The following CNTN4 variants were observed in gnomAD, a reference collection of about 807,000 sequenced individuals.
CNTN4 encodes contactin-4.
CNTN4 carries 77 observed loss-of-function variants against 122.5 expected under a neutral mutation model. The ratio of observed to expected loss-of-function variants is 0.63; its 90% confidence interval spans 0.52 to 0.76. The LOEUF is 0.76. Ranked by LOEUF, CNTN4 falls within the 30% of genes least tolerant of loss-of-function variation. CNTN4 has a pLI of 0.00. For missense variants in CNTN4, 1,256 were observed against 1,259.1 expected (o/e 1.00, Z 0.04); for synonymous variants, 512 against 447.0 (o/e 1.15, Z -1.83).
At chr3:2,305,366 C>A (rs1685459) in intron 2 of CNTN4, among the ~76,000 whole-genome samples, 45,478 of 151,976 alleles carry the variant, frequency 0.3, 7,976 homozygotes, top group African/African-American at 0.48. Context: ...TTGTTTCAGG[C>A]AAGTCTCTGA....
At chr3:2,318,660 G>A (rs907677916) in intron 2 of CNTN4, among the ~76,000 whole-genome samples, 4 of 152,028 alleles carry the variant, frequency 2.6e-5, no homozygotes, top group African/African-American at 9.7e-5. Flanking sequence ...GTTGTGTTGT[G>A]TGTTTTCAGA....
chr3:2,340,558 G>A (rs139507918), intron 3 of CNTN4, among the ~76,000 whole-genome samples: 8 of 151,280 alleles, frequency 5.3e-5, no homozygotes, highest in Admixed American at 3.3e-4. Context: ...GTGCATGCCT[G>A]TAGTCCCACT....
chr3:2,177,698 C>A (rs975582032), intron 2 of CNTN4, among the ~76,000 whole-genome samples: 1 of 137,458 alleles, frequency 7.3e-6, no homozygotes, highest in Non-Finnish European at 1.6e-5. Context: ...GTGTGTATCT[C>A]CAGGAAACTT....
chr3:2,619,951 T>C (rs2081930526), intron 4 of CNTN4, among the ~76,000 whole-genome samples: 1 of 152,212 alleles, frequency 6.6e-6, no homozygotes, highest in Non-Finnish European at 1.5e-5. Flanking sequence ...CTATGCTTTG[T>C]TTCTGTACCT....
chr3:2,103,700 T>C (rs2032187049), intron 2 of CNTN4, among the ~76,000 whole-genome samples: 1 of 148,988 alleles, frequency 6.7e-6, no homozygotes, highest in Admixed American at 6.7e-5. Flanking sequence ...TCCTATGAGC[T>C]TTGCAAAATT....
chr3:2,272,427 C>G (rs954659992), intron 2 of CNTN4, among the ~76,000 whole-genome samples: 1 of 152,124 alleles, frequency 6.6e-6, no homozygotes, highest in Admixed American at 6.6e-5. Flanking sequence ...TGACCCTCAT[C>G]ATTGTCCCAA....
chr3:2,422,307 A>G (rs1237851286), intron 3 of CNTN4, among the ~76,000 whole-genome samples: 1 of 152,184 alleles, frequency 6.6e-6, no homozygotes, highest in African/African-American at 2.4e-5. Context: ...GTAGAAACAC[A>G]GTAGTAGTTC....
intron 2 of CNTN4, among the ~76,000 whole-genome samples, chr3:2,239,653 G>A (rs777034066): frequency 2.0e-5 from 3 of 152,054 alleles, no homozygotes; most frequent in Non-Finnish European, 2.9e-5. Context: ...GAAGTTAGAG[G>A]TTAATAATTT....
chr3:2,142,595 G>A lies in CNTN4; in HGVS notation c.-145+41956G>A, dbSNP rs536458451. Among the ~76,000 whole-genome samples the A allele has an allele frequency of 3.0e-3, 462 of 152,172 alleles. 2 individuals are homozygous for A. The highest frequency in any genetic ancestry group is 0.011 in the African/African-American group (446 of 41,524). ...TGACTGCAAGTGATCTGCCCGCCTC[G>A]GCCTCCCAAACTGCTGGGATTAGAG... On this transcript the variant is annotated intron_variant, in intron 2 of 24. Transcript: ENST00000418658.
intron 13 of CNTN4, among the ~76,000 whole-genome samples, chr3:2,950,519 G>A (rs1219386183): frequency 6.6e-6 from 1 of 152,214 alleles, no homozygotes. Context: ...TCCAGATGAG[G>A]TTATTTGCTT....
At chr3:3,038,451 C>T (rs1574894972) in intron 18 of CNTN4, among the ~76,000 whole-genome samples, 1 of 152,164 alleles carries the variant, frequency 6.6e-6, no homozygotes, top group Non-Finnish European at 1.5e-5. Flanking sequence ...CGGAACGCCC[C>T]CCGCTTCTCC....
intron 2 of CNTN4, among the ~76,000 whole-genome samples, chr3:2,155,696 T>C (rs915465069): frequency 6.6e-6 from 1 of 152,162 alleles, no homozygotes; most frequent in African/African-American, 2.4e-5. Context: ...GTTCATCTTC[T>C]CACTCTCCCC....
At chr3:2,363,389 C>T (rs11714994) in intron 3 of CNTN4, among the ~76,000 whole-genome samples, 17,583 of 152,112 alleles carry the variant, frequency 0.12, 1,274 homozygotes, top group Non-Finnish European at 0.16. Flanking sequence ...CTAAAATGCC[C>T]TAGTAGGTTA....
At position 2,800,207 on chromosome 3, in the gene CNTN4, A is replaced by G. The variant is rs549265608; in HGVS notation, c.359-19279A>G. 4.0e-5 allele frequency among the ~76,000 whole-genome samples: 6 copies of G among 151,838 alleles called. No individual in the cohort carries two copies. In the South Asian group the frequency reaches 1.0e-3, roughly 26 times the overall value. On this transcript the variant is annotated intron_variant, in intron 6 of 24. Transcript: ENST00000418658. Reference sequence around the variant, plus strand: ...ACATCGGTATTTTGATAGGAATTGCATTGAATCTGTAGATTGCTTTGGATA... The same window carrying G: ...ACATCGGTATTTTGATAGGAATTGCGTTGAATCTGTAGATTGCTTTGGATA...
intron 6 of CNTN4, among the ~76,000 whole-genome samples, chr3:2,774,291 G>T (rs933418142): frequency 6.6e-6 from 1 of 151,612 alleles, no homozygotes; most frequent in African/African-American, 2.4e-5. Flanking sequence ...AAAAAGAAAA[G>T]ATATGTCAGC....
At chr3:2,318,165 T>C (rs1465997036) in intron 2 of CNTN4, among the ~76,000 whole-genome samples, 2 of 151,238 alleles carry the variant, frequency 1.3e-5, no homozygotes, top group Admixed American at 6.6e-5. Flanking sequence ...TGTGTGATGA[T>C]TGCAACTGTG....
chr3:2,161,139 C>CT (rs1029749954), intron 2 of CNTN4, among the ~76,000 whole-genome samples: 1 of 151,782 alleles, frequency 6.6e-6, no homozygotes, highest in African/African-American at 2.4e-5. Context: ...GGGATGGTAT[C>CT]TGAGGAGGTA....
At chr3:2,626,414 G>A (rs1045153218) in intron 4 of CNTN4, among the ~76,000 whole-genome samples, 5 of 151,676 alleles carry the variant, frequency 3.3e-5, no homozygotes, top group African/African-American at 1.2e-4. Flanking sequence ...GGAGAATGGC[G>A]GGAACCCAGG....
intron 2 of CNTN4, among the ~76,000 whole-genome samples, chr3:2,213,226 A>C (rs1469523682): frequency 6.6e-6 from 1 of 152,112 alleles, no homozygotes; most frequent in Non-Finnish European, 1.5e-5. Flanking sequence ...GAGAAATGAG[A>C]TGTTTTGTCT....
Sources: allele counts gnomAD v4.1 joint callset (sites outside exome capture counted in the v4.1 genomes callset), GRCh38; gene constraint gnomAD v4.1.1; transcripts MANE v1.5; gene names NCBI Gene and HGNC (gene_info 2026-07-23, HGNC 2026-07-21).